RBFOX1: variants seen among roughly 807,000 people sequenced by gnomAD.
The protein encoded by RBFOX1 is RNA binding protein fox-1 homolog 1.
Under a neutral mutation model 57.7 loss-of-function variants are expected in RBFOX1, and 8 were observed. That is an observed-to-expected ratio of 0.14 (90% confidence interval 0.08 to 0.25). The LOEUF (loss-of-function observed/expected upper bound fraction) is 0.25, where lower values mean the gene tolerates loss of function less well. Ranked by LOEUF, RBFOX1 falls within the 10% of genes least tolerant of loss-of-function variation. The pLI, the probability that RBFOX1 is intolerant of heterozygous loss-of-function variation, is 1.00. For missense variants in RBFOX1, 611 were observed against 548.5 expected (o/e 1.11, Z -1.14); for synonymous variants, 326 against 222.4 (o/e 1.47, Z -4.15).
intron 3 of RBFOX1, among the ~76,000 whole-genome samples, chr16:5,795,925 C>G (rs115642871): frequency 0.032 from 4,856 of 152,258 alleles, 258 homozygotes; most frequent in African/African-American, 0.11. Context: ...GGAGATAGGT[C>G]GACAACACTC....
chr16:5,390,267 A>C lies in RBFOX1; in HGVS notation c.220-76949A>C, dbSNP rs904517133. On this transcript the variant is annotated intron_variant, in intron 1 of 2. Coordinates refer to the RBFOX1 transcript ENST00000585867. ...TATGTATGTAAAATATAGTATGTAA[A>C]TATCGAAAAGTAGTTTTTTTTTTCT... is the stretch of plus-strand genomic sequence containing the variant. Among the ~76,000 whole-genome samples, 101 of 148,004 alleles carry C rather than the reference A, an allele frequency of 6.8e-4. 1 individual carries two copies. Among genetic ancestry groups the C allele is most frequent in the South Asian group, 1.9e-3 (9 of 4,686 alleles).
At chr16:7,163,168 G>T (rs1435570923) in intron 4 of RBFOX1, among the ~76,000 whole-genome samples, 1 of 151,720 alleles carries the variant, frequency 6.6e-6, no homozygotes. Flanking sequence ...TTTTAATATT[G>T]GCCAACTGAG....
At chr16:6,094,238 C>T (rs78728200) in intron 1 of RBFOX1, among the ~76,000 whole-genome samples, 8 of 152,148 alleles carry the variant, frequency 5.3e-5, no homozygotes, top group African/African-American at 1.4e-4. Context: ...TTCCCTTTGA[C>T]GGCCTCCTTG....
chr16:6,463,243 T>C (rs1022789167), intron 2 of RBFOX1, among the ~76,000 whole-genome samples: 2 of 152,202 alleles, frequency 1.3e-5, no homozygotes, highest in African/African-American at 4.8e-5. Flanking sequence ...GGTAGTCAGA[T>C]GGCCTAATGA....
intron 4 of RBFOX1, among the ~76,000 whole-genome samples, chr16:7,075,057 A>G (rs114080506): frequency 0.01 from 1,542 of 152,320 alleles, 29 homozygotes; most frequent in African/African-American, 0.035. Context: ...CGTAAAAGCA[A>G]CATACGGCAA....
intron 2 of RBFOX1, among the ~76,000 whole-genome samples, chr16:6,427,959 G>A (rs2093977326): frequency 6.6e-6 from 1 of 152,128 alleles, no homozygotes; most frequent in Non-Finnish European, 1.5e-5. Flanking sequence ...TGAGGGCTCA[G>A]GAGTTAATGC....
intron 2 of RBFOX1, among the ~76,000 whole-genome samples, chr16:6,546,784 A>G (rs903376949): frequency 7.2e-5 from 11 of 152,200 alleles, no homozygotes; most frequent in African/African-American, 1.9e-4. Flanking sequence ...TACATATCCT[A>G]TTCCATTTTC....
intron 3 of RBFOX1, among the ~76,000 whole-genome samples, chr16:6,821,635 A>T (rs2091320218): frequency 6.6e-6 from 1 of 152,196 alleles, no homozygotes; most frequent in Non-Finnish European, 1.5e-5. Context: ...CATAAATCGT[A>T]CAACACGTGG....
chr16:5,648,077 C>G (rs938077633), intron 3 of RBFOX1, among the ~76,000 whole-genome samples: 2 of 152,166 alleles, frequency 1.3e-5, no homozygotes, highest in Admixed American at 6.5e-5. Flanking sequence ...CCAGGCTGTT[C>G]TCAAACTCCT....
intron 11 of RBFOX1, among the ~76,000 whole-genome samples, chr16:7,631,636 G>C (rs1039099974): frequency 6.6e-6 from 1 of 152,182 alleles, no homozygotes; most frequent in African/African-American, 2.4e-5. Flanking sequence ...GGTGCCTGGA[G>C]TGGGGGTGGG....
At chr16:6,489,711 G>A (rs2095587652) in intron 2 of RBFOX1, among the ~76,000 whole-genome samples, 1 of 152,160 alleles carries the variant, frequency 6.6e-6, no homozygotes, top group African/African-American at 2.4e-5. Flanking sequence ...AAGAGCATGA[G>A]TGATAATGCT....
chr16:7,312,976 G>C (rs2096351805), intron 4 of RBFOX1, among the ~76,000 whole-genome samples: 1 of 152,056 alleles, frequency 6.6e-6, no homozygotes, highest in African/African-American at 2.4e-5. Context: ...CTAGTTTCAG[G>C]ATGGACCGGG....
At chr16:6,698,816 T>G (rs1316388572) in intron 3 of RBFOX1, among the ~76,000 whole-genome samples, 1 of 152,184 alleles carries the variant, frequency 6.6e-6, no homozygotes, top group Non-Finnish European at 1.5e-5. Flanking sequence ...GTGAATCCCT[T>G]ATAGTGATAT....
chr16:5,280,181 T>G (rs1447426037), intron 1 of RBFOX1, among the ~76,000 whole-genome samples: 3 of 152,272 alleles, frequency 2.0e-5, no homozygotes, highest in Admixed American at 2.0e-4. Flanking sequence ...TTTCTGCATC[T>G]GCTGAGATGA....
At chr16:5,634,656 A>G (rs920018781) in intron 3 of RBFOX1, among the ~76,000 whole-genome samples, 1 of 152,222 alleles carries the variant, frequency 6.6e-6, no homozygotes, top group African/African-American at 2.4e-5. Context: ...AGGATCATAG[A>G]TCACTCGGAG....
At chr16:6,894,389 T>C (rs1021469292) in intron 3 of RBFOX1, among the ~76,000 whole-genome samples, 4 of 152,186 alleles carry the variant, frequency 2.6e-5, no homozygotes, top group Non-Finnish European at 5.9e-5. Flanking sequence ...AGTTTTCTCT[T>C]TTGTTCCATT....
rs9936842 is a variant in RBFOX1, at chr16:7,472,610, A to G, written c.28-45537A>G. ...ACTCCTTCCACTTCTGTCCCCAGCA[A>G]TTCAGTTCTTCTCCTCCGAGACTGC... On this transcript the variant is annotated intron_variant, in intron 4 of 15. Coordinates refer to ENST00000550418, the MANE Select transcript of RBFOX1 (RefSeq NM_018723.4). Among the ~76,000 whole-genome samples, 1,510 of 152,248 alleles carry G rather than the reference A, an allele frequency of 9.9e-3. 33 individuals carry two copies. The highest frequency in any genetic ancestry group is 0.035 in the African/African-American group (1,452 of 41,558).
intron 3 of RBFOX1, among the ~76,000 whole-genome samples, chr16:6,703,036 C>G (rs1486932298): frequency 6.6e-6 from 1 of 152,174 alleles, no homozygotes; most frequent in Non-Finnish European, 1.5e-5. Context: ...CCTTTGGTAT[C>G]TGGCCTATCT....
chr16:6,337,929 A>C (rs1336262371), intron 2 of RBFOX1, among the ~76,000 whole-genome samples: 1 of 152,144 alleles, frequency 6.6e-6, no homozygotes, highest in Non-Finnish European at 1.5e-5. Context: ...CTCAGTCCCA[A>C]TGCATGCCAA....
Sources: allele counts gnomAD v4.1 joint callset (sites outside exome capture counted in the v4.1 genomes callset), GRCh38; gene constraint gnomAD v4.1.1; transcripts MANE v1.5; gene names NCBI Gene and HGNC (gene_info 2026-07-23, HGNC 2026-07-21).